Variants in ZNF649 observed in about 807,000 individuals in gnomAD.
ZNF649 encodes zinc finger protein 649.
Under a neutral mutation model 14.1 loss-of-function variants are expected in ZNF649, and 7 were observed. The ratio of observed to expected loss-of-function variants is 0.49; its 90% CI spans 0.28 to 0.93. The LOEUF (loss-of-function observed/expected upper bound fraction) is 0.93. Among genes scored for constraint, ZNF649 ranks in the 40% least tolerant of loss-of-function variants. The pLI, the probability that ZNF649 is intolerant of heterozygous loss-of-function variation, is 0.10. For synonymous variants in ZNF649, 227 were observed against 212.3 expected, an observed-to-expected ratio of 1.07 and a Z score of -0.60; for missense variants, 544 against 608.1, an observed-to-expected ratio of 0.89 and a Z score of 1.11.
At chr19:51,897,349 T>G (rs1328163556) in intron 2 of ZNF649, 1 of 185,876 alleles carries the variant, frequency 5.4e-6, no homozygotes, top group Non-Finnish European at 1.1e-5. Flanking sequence ...TATTCTATAT[T>G]TTATAATAAC....
chr19:51,889,348 A>C lies in ZNF649; in HGVS notation c.*1270T>G, dbSNP rs762981475. The C allele has an allele frequency of 6.6e-6, 1 of 152,216 alleles. No homozygotes were observed. Among genetic ancestry groups the C allele is most frequent in the Admixed American group, 6.5e-5 (1 of 15,286 alleles). The allele number at this position is 152,216 out of a possible 1,614,324, so 9.4% of individuals were successfully genotyped here. Reference sequence around the variant, plus strand: ...GGCTACTAGAAAAAATACACCATAGACTGACTGACTGCCTTAACAAACATT... The same window carrying C: ...GGCTACTAGAAAAAATACACCATAGCCTGACTGACTGCCTTAACAAACATT... On this transcript the variant is annotated 3_prime_UTR_variant, in exon 5 of 5. Transcript: ENST00000354957.
chr19:51,896,857 G>A lies in ZNF649; in HGVS notation c.137C>T (p.Ser46Leu). Residue 46 changes from serine to leucine, a missense_variant, in exon 3 of 5, where the codon TCA (serine) becomes TTA (leucine). Transcript: ENST00000354957. ...VMLENYSNLV[S>L]VGYQAGKPDA... ...CACAGGGCAGCTGTCCTCACCCACT[G>A]ACACAAGGTTGCTGTAGTTCTCCAA... 1.2e-6 allele frequency: 2 copies of A among 1,614,090 alleles called. No individual in the cohort carries two copies. Among genetic ancestry groups the A allele is most frequent in the Middle Eastern group, 1.6e-4 (1 of 6,062 alleles).
At chr19:51,896,440 C>T in intron 4 of ZNF649, 32 bp downstream of exon 4, 1 of 1,594,422 alleles carries the variant, frequency 6.3e-7, no homozygotes, top group Admixed American at 1.7e-5. Context: ...ACTTCCGCTG[C>T]CTTCCCCTCT....
In ZNF649 at chr19:51,891,763, T is replaced by TGAG; in HGVS notation, c.372_373insCTC (p.Tyr124_Asn125insLeu). ...TTAAACTCAGCAGGCTCCTTTCTGT[T>TGAG]GTATCTTCTGCTCTGGTTGGTTAAA... On this transcript the variant is annotated inframe_insertion, in exon 5 of 5. Transcript: ENST00000354957. The surrounding 1 kb of genome is among the most constrained non-coding windows in gnomAD (Gnocchi z 4.2). 1 of 1,614,128 alleles carries TGAG rather than the reference T, an allele frequency of 6.2e-7. No individual in the cohort carries two copies. Among genetic ancestry groups the TGAG allele is most frequent in the Non-Finnish European group, 8.5e-7 (1 of 1,180,024 alleles).
chr19:51,891,898 C>A lies in ZNF649; in HGVS notation c.239-1G>T. 6.5e-7 allele frequency: 1 copy of A among 1,548,648 alleles called. No homozygotes were observed. Among genetic ancestry groups the A allele is most frequent in the Non-Finnish European group, 8.7e-7 (1 of 1,155,012 alleles). ...AGATGATCATCAGCTTTCTCAATTT[C>A]TAAGAGAGAGAACAATAAATCCTTC... On this transcript the variant is annotated splice_acceptor_variant, in intron 4 of 4. Coordinates refer to ENST00000354957, the MANE Select transcript of ZNF649 (RefSeq NM_023074.4). LOFTEE classifies it high-confidence loss of function. This position sits in a 1 kb window ranked among gnomAD's most constrained non-coding sequence, Gnocchi z 4.2.
intron 2 of ZNF649, among the ~76,000 whole-genome samples, chr19:51,897,840 G>C (rs2085072398): frequency 6.6e-6 from 1 of 152,048 alleles, no homozygotes; most frequent in African/African-American, 2.4e-5. Context: ...CTATCCATGA[G>C]GCCGGGCATG....
At position 51,899,826 on chromosome 19, in the gene ZNF649, A is replaced by G. The variant is rs2085085157; in HGVS notation, c.15+267T>C. 4 of 356,486 alleles carry G rather than the reference A, an allele frequency of 1.1e-5. No homozygotes were observed. In the East Asian group the frequency reaches 1.7e-4, roughly 15 times the overall value. 22.1% of individuals were successfully genotyped at this position (356,486 alleles called of 1,614,324 possible). ...GATTCTCTGGGTGTGATGGTGGCCA[A>G]AGATTTTGGACACAAGCTGACACTT... On this transcript the variant is annotated intron_variant, in intron 2 of 4. Coordinates refer to ENST00000354957, the MANE Select transcript of ZNF649 (RefSeq NM_023074.4).
At chr19:51,896,420 C>G (rs1489047073) in intron 4 of ZNF649, 52 bp downstream of exon 4, 11 of 1,529,706 alleles carry the variant, frequency 7.2e-6, no homozygotes, top group East Asian at 2.3e-5. Flanking sequence ...CTCTAAATGA[C>G]CAGAATGTGA....
intron 1 of ZNF649, among the ~76,000 whole-genome samples, chr19:51,901,712 T>C (rs2085095747): frequency 6.6e-6 from 1 of 152,010 alleles, no homozygotes; most frequent in African/African-American, 2.4e-5. Flanking sequence ...TCCCAGTACT[T>C]TGGGAGGCCA....
Position 51,891,266 on chromosome 19 carries a change from A to G in ZNF649, c.870T>C (p.His290=), listed in dbSNP as rs1473467329. The change falls in exon 5 of 5, where the codon CAT becomes CAC. Residue 290 remains histidine (H), a synonymous_variant. Transcript: ENST00000354957. This position sits in a 1 kb window ranked among gnomAD's most constrained non-coding sequence, Gnocchi z 4.2. ...AAGCTCTCCCACATTCGCTGCATTG[A>G]TGGGGCTTAATTCCCGTGTGAATCC... ...HQRIHTGIKP[H]QCSECGRAFS... is the part of the protein sequence containing the mutation. 1 of 1,614,214 alleles carries G rather than the reference A, an allele frequency of 6.2e-7. No homozygotes were observed. The highest frequency in any genetic ancestry group is 8.5e-7 in the Non-Finnish European group (1 of 1,180,038).
At chr19:51,897,221 A>G (rs113436278) in intron 2 of ZNF649, 3 of 429,584 alleles carry the variant, frequency 7.0e-6, no homozygotes, top group East Asian at 9.2e-5. Context: ...TGAGAATACT[A>G]TATTTTTGAT....
At chr19:51,896,350 G>C in intron 4 of ZNF649, 122 bp downstream of exon 4, 1 of 783,504 alleles carries the variant, frequency 1.3e-6, no homozygotes, top group Non-Finnish European at 2.2e-6. Context: ...TATCCTAGGG[G>C]AGAAGAAGAT....
intron 4 of ZNF649, among the ~76,000 whole-genome samples, chr19:51,894,093 C>A (rs2085042945): frequency 6.6e-6 from 1 of 152,100 alleles, no homozygotes; most frequent in Non-Finnish European, 1.5e-5. Flanking sequence ...CAAATATCTT[C>A]TAACTGTGGC....
At chr19:51,901,485 T>C (rs1176767031) in intron 1 of ZNF649, among the ~76,000 whole-genome samples, 1 of 152,036 alleles carries the variant, frequency 6.6e-6, no homozygotes, top group Non-Finnish European at 1.5e-5. Flanking sequence ...AAGGCCCTTA[T>C]AAAAGAGGCT....
intron 2 of ZNF649, among the ~76,000 whole-genome samples, chr19:51,898,100 A>G (rs903642271): frequency 6.6e-6 from 1 of 151,630 alleles, no homozygotes; most frequent in Admixed American, 6.6e-5. Flanking sequence ...TGTCTCAAAA[A>G]AAAAAAAAAA....
chr19:51,894,682 C>A (rs62107511), intron 4 of ZNF649, among the ~76,000 whole-genome samples: 2 of 152,164 alleles, frequency 1.3e-5, no homozygotes, highest in Non-Finnish European at 2.9e-5. Context: ...ACATTTCACA[C>A]GTTCAAAAGT....
At position 51,893,381 on chromosome 19, in the gene ZNF649, CA is replaced by C. The variant is rs202194096; in HGVS notation, c.239-1485del. Among the ~76,000 whole-genome samples the C allele has an allele frequency of 1.4e-3, 191 of 136,686 alleles. 1 individual carries two copies. Among genetic ancestry groups the C allele is most frequent in the East Asian group, 3.2e-3 (16 of 4,926 alleles). 89.7% of individuals were successfully genotyped at this position (136,686 alleles called of 152,430 possible). A position where few individuals can be genotyped will look rare whatever the true frequency, so the allele number is the denominator to read the frequency against. ...AGAAGGCAAAAAGCCTCCTGCAAGG[CA>C]AAAAAAAAAAAGTTTCCCCTCTTCA... is the stretch of plus-strand genomic sequence containing the variant. On this transcript the variant is annotated intron_variant, in intron 4 of 4. Transcript: ENST00000354957.
chr19:51,896,798 A>G (rs2085065409), intron 3 of ZNF649, 54 bp downstream of exon 3: 2 of 1,614,132 alleles, frequency 1.2e-6, no homozygotes, highest in African/African-American at 2.7e-5. Flanking sequence ...AAGCTGAGAA[A>G]GCAAAGGCCA....
Position 51,891,551 on chromosome 19 carries a change from C to G in ZNF649, c.585G>C (p.Glu195Asp). ...KAFLKKSQLT[E>D]HKRIHTGKKP... is the part of the protein sequence containing the mutation. ...TCTTTCCTGTATGAATTCTCTTATG[C>G]TCAGTGAGCTGAGACTTCTTGAGGA... Residue 195 changes from glutamate to aspartate, a missense_variant, in exon 5 of 5, where the codon GAG becomes GAC. By Grantham distance (45) the Glu-to-Asp change is conservative. Transcript: ENST00000354957. This position sits in a 1 kb window ranked among gnomAD's most constrained non-coding sequence, Gnocchi z 4.2. 6.2e-7 allele frequency: 1 copy of G among 1,614,166 alleles called. No individual in the cohort carries two copies. The highest frequency in any genetic ancestry group is 8.5e-7 in the Non-Finnish European group (1 of 1,180,032).
Sources: allele counts gnomAD v4.1 joint callset (sites outside exome capture counted in the v4.1 genomes callset), GRCh38; gene constraint gnomAD v4.1.1; non-coding constraint Gnocchi (gnomAD v3.1); transcripts MANE v1.5; gene names NCBI Gene and HGNC (gene_info 2026-07-23, HGNC 2026-07-21).